Variants in FRMD4B observed in about 807,000 individuals in gnomAD.
FRMD4B encodes FERM domain-containing protein 4B.
A neutral mutation model predicts 141.5 loss-of-function variants in FRMD4B; 74 were observed. The observed-to-expected ratio is 0.52, with a 90% CI of 0.43 to 0.63. The LOEUF is 0.63. FRMD4B is among the 30% of genes least tolerant of loss of function. The pLI is 0.00. For missense variants in FRMD4B, 1,366 were observed against 1,253.4 expected, an observed-to-expected ratio of 1.09 and a Z score of -1.36; for synonymous variants, 506 against 467.9, an observed-to-expected ratio of 1.08 and a Z score of -1.05.
intron 1 of FRMD4B, among the ~76,000 whole-genome samples, chr3:69,540,018 C>T (rs62252578): frequency 0.25 from 37,775 of 151,872 alleles, 5,037 homozygotes; most frequent in Non-Finnish European, 0.29. Context: ...CATGGTGAAA[C>T]CCGGTCTCTA....
chr3:69,476,381 TA>T (rs1360299678), intron 1 of FRMD4B, among the ~76,000 whole-genome samples: 3 of 152,222 alleles, frequency 2.0e-5, no homozygotes, highest in Non-Finnish European at 4.4e-5. Flanking sequence ...AATTTTTTTA[TA>T]AGGTGTAAGC....
At chr3:69,505,401 A>G (rs965745608) in intron 1 of FRMD4B, among the ~76,000 whole-genome samples, 3 of 151,986 alleles carry the variant, frequency 2.0e-5, no homozygotes, top group Non-Finnish European at 4.4e-5. Flanking sequence ...AAAAAGAAAA[A>G]GGAAACAAAA....
intron 1 of FRMD4B, among the ~76,000 whole-genome samples, chr3:69,315,125 A>G (rs1701761087): frequency 1.3e-5 from 2 of 152,246 alleles, no homozygotes; most frequent in South Asian, 4.1e-4. Flanking sequence ...ACCATAGTTA[A>G]GAACAGTTAA....
intron 1 of FRMD4B, among the ~76,000 whole-genome samples, chr3:69,466,318 A>AT (rs1371633516): frequency 1.3e-4 from 19 of 151,164 alleles, no homozygotes; most frequent in Admixed American, 4.6e-4. Context: ...TAGATTGCAA[A>AT]TTTTTTTTTC....
chr3:69,267,726 G>A (rs552155650), intron 5 of FRMD4B, among the ~76,000 whole-genome samples: 5 of 148,490 alleles, frequency 3.4e-5, no homozygotes, highest in Middle Eastern at 3.6e-3. Flanking sequence ...TCTGCCTCCC[G>A]GGTTCAAGTG....
intron 1 of FRMD4B, among the ~76,000 whole-genome samples, chr3:69,473,767 G>T (rs970032015): frequency 2.0e-5 from 3 of 152,092 alleles, no homozygotes; most frequent in African/African-American, 7.2e-5. Flanking sequence ...AAAAATTTAG[G>T]TGAAAAGCAA....
At chr3:69,246,821 C>T (rs1390662172) in intron 7 of FRMD4B, among the ~76,000 whole-genome samples, 2 of 152,190 alleles carry the variant, frequency 1.3e-5, no homozygotes, top group African/African-American at 2.4e-5. Context: ...GGAACAAGCT[C>T]GAGTGAAGGC....
chr3:69,358,972 A>G (rs998273490), intron 1 of FRMD4B, among the ~76,000 whole-genome samples: 3 of 152,170 alleles, frequency 2.0e-5, no homozygotes, highest in Admixed American at 1.3e-4. Flanking sequence ...CCCAGCCTCC[A>G]GAACCATGAG....
intron 2 of FRMD4B, among the ~76,000 whole-genome samples, chr3:69,428,484 T>C (rs149301168): frequency 1.7e-4 from 26 of 151,512 alleles, no homozygotes; most frequent in Admixed American, 2.6e-4. Context: ...TAAAGTTAGG[T>C]GCATGAGGCA....
chr3:69,251,765 TTCAGGCAGGAGACGATGGTTTTCCAA>T (rs1330341762), intron 5 of FRMD4B, among the ~76,000 whole-genome samples: 1 of 152,246 alleles, frequency 6.6e-6, no homozygotes, highest in Non-Finnish European at 1.5e-5. Flanking sequence ...CCCTCTGCCT[TTCAGGCAGGAGACGATGGTTTTCCAA>T]TCTGGTGAAA....
intron 1 of FRMD4B, among the ~76,000 whole-genome samples, chr3:69,478,492 A>T (rs550549408): frequency 3.9e-5 from 6 of 152,310 alleles, no homozygotes; most frequent in Admixed American, 1.3e-4. Flanking sequence ...CAGGTTGTTC[A>T]GTTTCCATGT....
chr3:69,243,570 G>A (rs1474825372), intron 7 of FRMD4B, among the ~76,000 whole-genome samples: 1 of 152,212 alleles, frequency 6.6e-6, no homozygotes, highest in Non-Finnish European at 1.5e-5. Flanking sequence ...TCAAATCTAT[G>A]TCGTAGGAAG....
chr3:69,530,510 A>C (rs1045545882), intron 1 of FRMD4B, among the ~76,000 whole-genome samples: 1 of 151,988 alleles, frequency 6.6e-6, no homozygotes, highest in Admixed American at 6.6e-5. Flanking sequence ...GATGCAGCCC[A>C]ATCTTGGACT....
chr3:69,411,734 TTATAA>T (rs1336372999), intron 2 of FRMD4B, among the ~76,000 whole-genome samples: 1 of 152,308 alleles, frequency 6.6e-6, no homozygotes, highest in East Asian at 1.9e-4. Flanking sequence ...AGGGACGTGG[TTATAA>T]TATAATTCAC....
chr3:69,286,626 C>T (rs1700697966), intron 5 of FRMD4B, among the ~76,000 whole-genome samples: 1 of 152,000 alleles, frequency 6.6e-6, no homozygotes. Context: ...CTGAGATTCC[C>T]AGGCATTGAG....
Position 69,249,207 on chromosome 3 carries a change from C to A in FRMD4B, c.581+19G>T, listed in dbSNP as rs779928753. On this transcript the variant is annotated intron_variant, in intron 7 of 22. Coordinates refer to ENST00000398540, the MANE Select transcript of FRMD4B (RefSeq NM_015123.3). ...TTAGGGTTATTTTGCATAGTAATAT[C>A]AGAAAAGAAAAGCATTACCTGGTAT... The A allele has an allele frequency of 1.0e-5, 15 of 1,507,402 alleles. No individual in the cohort carries two copies. The highest frequency in any genetic ancestry group is 1.4e-5 in the Non-Finnish European group (15 of 1,091,268). The allele number at this position is 1,507,402 out of a possible 1,614,324, so 93.4% of individuals were successfully genotyped here. A position where few individuals can be genotyped will look rare whatever the true frequency, so the allele number is the denominator to read the frequency against.
rs763575469 is a variant in FRMD4B, at chr3:69,196,275, T to C, written c.1214A>G (p.Asn405Ser). 6.2e-7 allele frequency: 1 copy of C among 1,605,502 alleles called. No individual in the cohort carries two copies. The highest frequency in any genetic ancestry group is 1.1e-5 in the South Asian group (1 of 89,100). The stretch of plus-strand genomic sequence containing the variant: ...GTTACCTGAGGAGATTAAACTGCCA[T>C]TACTTGCCATGATGAACTGACTTTT... ...ETKSQFIMAS[N>S]GSLISSGSQD... Residue 405 changes from asparagine (N) to serine (S), a missense_variant, in exon 14 of 23, where the codon AAT (asparagine) becomes AGT (serine). Coordinates refer to ENST00000398540, the MANE Select transcript of FRMD4B (RefSeq NM_015123.3).
intron 1 of FRMD4B, among the ~76,000 whole-genome samples, chr3:69,350,311 AAGTC>A (rs1677561596): frequency 6.6e-6 from 1 of 152,208 alleles, no homozygotes; most frequent in African/African-American, 2.4e-5. Flanking sequence ...GATCATTAAA[AAGTC>A]AGGAAACAAC....
intron 1 of FRMD4B, among the ~76,000 whole-genome samples, chr3:69,460,844 C>T (rs1479649285): frequency 1.3e-5 from 2 of 152,168 alleles, no homozygotes; most frequent in Non-Finnish European, 2.9e-5. Flanking sequence ...GTGACTTCAG[C>T]AGCAGAGATG....
Sources: allele counts gnomAD v4.1 joint callset (sites outside exome capture counted in the v4.1 genomes callset), GRCh38; gene constraint gnomAD v4.1.1; transcripts MANE v1.5; gene names NCBI Gene and HGNC (gene_info 2026-07-23, HGNC 2026-07-21).